Variants in CASP5 observed in about 807,000 individuals in gnomAD.
The protein encoded by CASP5 is caspase-5.
Under a neutral mutation model 45.2 loss-of-function variants are expected in CASP5, and 42 were observed. The ratio of observed to expected loss-of-function variants is 0.93; its 90% confidence interval spans 0.73 to 1.20. The LOEUF is 1.20. CASP5 is among the 50% of genes most tolerant of loss of function. The probability of loss-of-function intolerance (pLI) is 0.00; values close to 1 mark genes in which losing one functional copy is unlikely to be tolerated. For missense variants in CASP5, 512 were observed against 532.2 expected (o/e 0.96, Z 0.37); for synonymous variants, 209 against 186.2 (o/e 1.12, Z -1.00).
intron 4 of CASP5, 61 bp from the exon 5 acceptor site, chr11:105,002,262 C>T: frequency 1.3e-6 from 2 of 1,528,254 alleles, no homozygotes; most frequent in Non-Finnish European, 1.8e-6. Flanking sequence ...CCCCCATATG[C>T]CTCACAATTT....
intron 1 of CASP5, among the ~76,000 whole-genome samples, chr11:105,009,748 T>TACAC (rs1862194026): frequency 4.6e-5 from 3 of 65,820 alleles, no homozygotes; most frequent in Non-Finnish European, 8.9e-5. Context: ...TATATATATA[T>TACAC]ATATATATAT....
At chr11:105,021,976 AG>A (rs1157995396) in intron 1 of CASP5, among the ~76,000 whole-genome samples, 1 of 151,248 alleles carries the variant, frequency 6.6e-6, no homozygotes, top group Non-Finnish European at 1.5e-5. Flanking sequence ...AATATTATGC[AG>A]CCATAAAAAA....
rs981687878 is a variant in CASP5 at position 105,017,259 on chromosome 11, T to A, written c.7+5871A>T. ...CTAAAAAGCAGAGCGACTCTCCTCC[T>A]CCAAAGGAACGCAGTTCCTCGCCAG... On this transcript the variant is annotated intron_variant, in intron 1 of 9. Coordinates refer to ENST00000260315, the MANE Select transcript of CASP5 (RefSeq NM_004347.5). Among the ~76,000 whole-genome samples the A allele has an allele frequency of 1.1e-4, 16 of 152,224 alleles. 1 individual carries two copies. The highest frequency in any genetic ancestry group is 3.9e-4 in the African/African-American group (16 of 41,526).
intron 1 of CASP5, among the ~76,000 whole-genome samples, chr11:105,019,950 T>G (rs199546713): frequency 7.7e-5 from 11 of 142,290 alleles, no homozygotes; most frequent in Non-Finnish European, 1.1e-4. Context: ...TCAAAAAGCT[T>G]ATCCACCATG....
At chr11:105,004,894 C>T in intron 3 of CASP5, among the ~76,000 whole-genome samples, 1 of 152,024 alleles carries the variant, frequency 6.6e-6, no homozygotes, top group East Asian at 1.9e-4. Context: ...GGTATGTTTT[C>T]CTGTTTAAAG....
intron 1 of CASP5, among the ~76,000 whole-genome samples, chr11:105,019,482 C>T (rs979668269): frequency 4.7e-4 from 71 of 150,560 alleles, no homozygotes; most frequent in African/African-American, 1.6e-3. Flanking sequence ...ATATCACCAC[C>T]GATCCCACAG....
chr11:105,009,050 A>G (rs1318295557), intron 1 of CASP5, 70 bp from the exon 2 acceptor site: 7 of 1,416,742 alleles, frequency 4.9e-6, no homozygotes, highest in Non-Finnish European at 6.9e-6. Flanking sequence ...CTTTAGACAA[A>G]GCTCTGTAAT....
At chr11:104,997,520 G>A (rs565128873) in intron 7 of CASP5, 28 bp from the exon 8 acceptor site, 4 of 1,382,080 alleles carry the variant, frequency 2.9e-6, no homozygotes, top group South Asian at 1.2e-5. Flanking sequence ...GGTATGCCTT[G>A]GGCTACGACT....
intron 4 of CASP5, among the ~76,000 whole-genome samples, chr11:105,002,861 G>T (rs976819323): frequency 5.3e-5 from 8 of 152,090 alleles, no homozygotes; most frequent in Non-Finnish European, 1.2e-4. Flanking sequence ...TATCATAAAG[G>T]TTACCACTGT....
At chr11:105,005,069 A>G (rs1292452148) in intron 3 of CASP5, among the ~76,000 whole-genome samples, 5 of 152,170 alleles carry the variant, frequency 3.3e-5, no homozygotes, top group Non-Finnish European at 7.3e-5. Flanking sequence ...AATAAATATT[A>G]TAGTGCAGTC....
chr11:105,009,758 T>TATATATAC (rs1555079440), intron 1 of CASP5, among the ~76,000 whole-genome samples: 28 of 90,256 alleles, frequency 3.1e-4, no homozygotes, highest in South Asian at 1.7e-3. Flanking sequence ...TATATATATA[T>TATATATAC]ACACACACAC....
intron 1 of CASP5, among the ~76,000 whole-genome samples, chr11:105,010,287 T>C (rs1862277744): frequency 6.6e-6 from 1 of 150,796 alleles, no homozygotes; most frequent in Admixed American, 6.6e-5. Flanking sequence ...CTATGTATTT[T>C]TTGTGATTAA....
intron 1 of CASP5, among the ~76,000 whole-genome samples, chr11:105,009,758 TACACACAC>T (rs1199603594): frequency 1.8e-4 from 16 of 90,272 alleles, no homozygotes; most frequent in African/African-American, 6.9e-4. Context: ...TATATATATA[TACACACAC>T]ACACGTATAT....
intron 1 of CASP5, among the ~76,000 whole-genome samples, chr11:105,011,776 G>A (rs1862362481): frequency 6.6e-6 from 1 of 151,558 alleles, no homozygotes; most frequent in African/African-American, 2.4e-5. Context: ...ATAAAACATT[G>A]ACAGAAGAAA....
At chr11:104,999,109 A>G (rs958062369) in intron 6 of CASP5, 81 bp from the exon 7 acceptor site, 2 of 1,214,532 alleles carry the variant, frequency 1.6e-6, no homozygotes, top group Non-Finnish European at 2.3e-6. Flanking sequence ...GGTTTGTTAC[A>G]TAGTTACGCA....
At chr11:105,000,603 G>A (rs1282787436) in intron 5 of CASP5, 108 bp from the exon 6 acceptor site, 1 of 989,370 alleles carries the variant, frequency 1.0e-6, no homozygotes, top group Admixed American at 2.2e-5. Context: ...CCGGGTCGTG[G>A]TGCTTCACAT....
Position 105,000,350 on chromosome 11 carries a change from T to TA in CASP5, c.862dup (p.Tyr288LeufsTer2), listed in dbSNP as rs759000885. On this transcript the variant is annotated frameshift_variant, in exon 6 of 10. Coordinates refer to ENST00000260315, the MANE Select transcript of CASP5 (RefSeq NM_004347.5). LOFTEE classifies it high-confidence loss of function. ...GTTGAATATCTGGAAGATGGTGTCATAAAGCAGCACATCCGGTTTTTTCTT... is the reference window on the plus strand; with the variant it reads ...GTTGAATATCTGGAAGATGGTGTCATAAAAGCAGCACATCCGGTTTTTTCTT... 13 of 1,614,106 alleles carry TA rather than the reference T, an allele frequency of 8.1e-6. No individual in the cohort carries two copies. The highest frequency in any genetic ancestry group is 1.1e-5 in the Non-Finnish European group (13 of 1,180,044).
At chr11:105,003,842 A>G (rs1488070775) in intron 3 of CASP5, among the ~76,000 whole-genome samples, 13 of 151,254 alleles carry the variant, frequency 8.6e-5, no homozygotes, top group African/African-American at 3.2e-4. Context: ...TCACATTTAC[A>G]AAAGGTAAAA....
At chr11:104,996,493 C>T (rs1025027951) in intron 8 of CASP5, among the ~76,000 whole-genome samples, 2 of 152,206 alleles carry the variant, frequency 1.3e-5, no homozygotes, top group Non-Finnish European at 2.9e-5. Flanking sequence ...GTATATCTTC[C>T]TTTTCCCACA....
Sources: gnomAD v4.1 joint callset for allele counts (sites outside exome capture counted in the v4.1 genomes callset) on GRCh38, gnomAD v4.1.1 for gene constraint, MANE v1.5 for transcripts, NCBI Gene and HGNC (gene_info 2026-07-23, HGNC 2026-07-21) for gene names.